The following TTC28 variants were observed in gnomAD, a reference collection of about 807,000 sequenced individuals.
TTC28 encodes the protein tetratricopeptide repeat domain 28, also known as tetratricopeptide repeat protein 28.
A neutral mutation model predicts 198.0 loss-of-function variants in TTC28; 61 were observed. That is an observed-to-expected ratio of 0.31 (90% CI 0.25 to 0.38). The LOEUF is 0.38. Among genes scored for constraint, TTC28 ranks in the 10% least tolerant of loss-of-function variants. The probability of loss-of-function intolerance (pLI) is 1.00; values close to 1 mark genes in which losing one functional copy is unlikely to be tolerated. For synonymous variants in TTC28, 1,171 were observed against 1,297.8 expected, an observed-to-expected ratio of 0.90 and a Z score of 2.10; for missense variants, 2,678 against 3,164.0, an observed-to-expected ratio of 0.85 and a Z score of 3.69.
chr22:28,336,777 T>C (rs2045728431), intron 2 of TTC28, among the ~76,000 whole-genome samples: 2 of 152,206 alleles, frequency 1.3e-5, no homozygotes, highest in African/African-American at 4.8e-5. Context: ...TTGTTGATCT[T>C]TTCAAAAAAC....
chr22:28,476,116 T>C (rs146231268), intron 2 of TTC28, among the ~76,000 whole-genome samples: 1 of 152,310 alleles, frequency 6.6e-6, no homozygotes, highest in African/African-American at 2.4e-5. Flanking sequence ...ACATTACCAA[T>C]AACTTGTTTC....
rs555898852 is a variant in TTC28, at chr22:28,066,327, G to A, written c.3932+27753C>T. On this transcript the variant is annotated intron_variant, in intron 12 of 22. Coordinates refer to ENST00000397906, the MANE Select transcript of TTC28 (RefSeq NM_001145418.2). Reference sequence around the variant, plus strand: ...GTGGTGTGTGTGTGTGTGTGTGCGCGCGCGCATGCATGTGTAGGACACTTA... The same window carrying A: ...GTGGTGTGTGTGTGTGTGTGTGCGCACGCGCATGCATGTGTAGGACACTTA... Among the ~76,000 whole-genome samples, 84 of 151,814 alleles carry A rather than the reference G, an allele frequency of 5.5e-4. 1 individual carries two copies. Among genetic ancestry groups the A allele is most frequent in the South Asian group, 1.7e-3 (8 of 4,796 alleles).
intron 5 of TTC28, among the ~76,000 whole-genome samples, chr22:28,251,098 T>C (rs1466460226): frequency 6.6e-6 from 1 of 152,244 alleles, no homozygotes; most frequent in Admixed American, 6.5e-5. Flanking sequence ...AAGATGGCTA[T>C]GACTGGTTTT....
intron 2 of TTC28, among the ~76,000 whole-genome samples, chr22:28,364,742 G>C (rs1012744580): frequency 6.6e-6 from 1 of 152,178 alleles, no homozygotes; most frequent in Non-Finnish European, 1.5e-5. Flanking sequence ...AATTAGAAGT[G>C]GAACACAGTG....
At chr22:28,379,314 T>G (rs2046460975) in intron 2 of TTC28, among the ~76,000 whole-genome samples, 2 of 152,190 alleles carry the variant, frequency 1.3e-5, no homozygotes, top group South Asian at 2.1e-4. Context: ...GACTCAGACA[T>G]ATATTTGAAT....
chr22:28,347,814 A>G (rs1242581327), intron 2 of TTC28, among the ~76,000 whole-genome samples: 2 of 152,244 alleles, frequency 1.3e-5, no homozygotes, highest in Non-Finnish European at 2.9e-5. Context: ...CGGAGGCTGC[A>G]GTGACAGTGA....
At chr22:28,099,471 GTC>G (rs1294190163) in intron 9 of TTC28, among the ~76,000 whole-genome samples, 1 of 152,216 alleles carries the variant, frequency 6.6e-6, no homozygotes, top group Non-Finnish European at 1.5e-5. Context: ...TGGTGAAACT[GTC>G]TACGCTTCCT....
chr22:28,367,255 A>G (rs1471674082), intron 2 of TTC28, among the ~76,000 whole-genome samples: 1 of 152,130 alleles, frequency 6.6e-6, no homozygotes, highest in Non-Finnish European at 1.5e-5. Flanking sequence ...CCTGACCACA[A>G]TGGAATAAAA....
intron 2 of TTC28, among the ~76,000 whole-genome samples, chr22:28,521,734 A>T (rs1326045139): frequency 6.6e-6 from 1 of 152,230 alleles, no homozygotes; most frequent in Non-Finnish European, 1.5e-5. Flanking sequence ...ACAAAGCCTG[A>T]CATACAGCCA....
chr22:28,242,473 G>A (rs1417210862), intron 5 of TTC28, among the ~76,000 whole-genome samples: 2 of 152,134 alleles, frequency 1.3e-5, no homozygotes, highest in East Asian at 3.8e-4. Flanking sequence ...AAAATCTAGA[G>A]AGGTTGTACA....
intron 13 of TTC28, among the ~76,000 whole-genome samples, chr22:28,016,215 G>A (rs1938369681): frequency 6.6e-6 from 1 of 152,154 alleles, no homozygotes; most frequent in Non-Finnish European, 1.5e-5. Context: ...CAAGTGACGA[G>A]GGCTGCAGCA....
chr22:27,981,229 A>ATTTTTTTTTTTTTTTTTTTTTTTTTT lies in TTC28; in HGVS notation c.*991_*992insAAAAAAAAAAAAAAAAAAAAAAAAAA, dbSNP rs1937001603. ...CTGGTTAAATCTAGTTAGCCATGGA[A>ATTTTTTTTTTTTTTTTTTTTTTTTTT]ATTTTTTTTTTTTTTTTTTTTTTTT... is the stretch of plus-strand genomic sequence containing the variant. On this transcript the variant is annotated 3_prime_UTR_variant, in exon 23 of 23. Coordinates refer to ENST00000397906, the MANE Select transcript of TTC28 (RefSeq NM_001145418.2). 2.8e-5 allele frequency: 2 copies of ATTTTTTTTTTTTTTTTTTTTTTTTTT among 72,686 alleles called. 1 individual carries two copies. The highest frequency in any genetic ancestry group is 9.8e-5 in the African/African-American group (2 of 20,420). 4.5% of individuals were successfully genotyped at this position (72,686 alleles called of 1,614,324 possible).
At chr22:28,194,462 A>G (rs1200520161) in intron 5 of TTC28, among the ~76,000 whole-genome samples, 2 of 152,164 alleles carry the variant, frequency 1.3e-5, no homozygotes, top group Non-Finnish European at 2.9e-5. Flanking sequence ...TAGAGACATA[A>G]AAAACCCTTC....
intron 2 of TTC28, among the ~76,000 whole-genome samples, chr22:28,488,002 C>G (rs1015506876): frequency 3.3e-5 from 5 of 152,136 alleles, no homozygotes. Flanking sequence ...CCTTTTCCAC[C>G]AGACGCTCCT....
chr22:28,582,471 G>A (rs1368388027), intron 2 of TTC28, among the ~76,000 whole-genome samples: 1 of 151,942 alleles, frequency 6.6e-6, no homozygotes, highest in African/African-American at 2.4e-5. Context: ...TACTTAAGGA[G>A]GACTAAAGAC....
At chr22:28,197,697 T>C (rs1427031069) in intron 5 of TTC28, among the ~76,000 whole-genome samples, 2 of 152,042 alleles carry the variant, frequency 1.3e-5, no homozygotes, top group African/African-American at 4.8e-5. Context: ...CTTCCATAAA[T>C]AAGGACTGGG....
intron 2 of TTC28, among the ~76,000 whole-genome samples, chr22:28,463,333 A>G (rs1006125898): frequency 1.3e-5 from 2 of 152,182 alleles, no homozygotes; most frequent in South Asian, 2.1e-4. Flanking sequence ...AACTAGTTCA[A>G]CCACTGTGGA....
intron 2 of TTC28, among the ~76,000 whole-genome samples, chr22:28,574,878 AT>A: frequency 6.6e-6 from 1 of 152,032 alleles, no homozygotes; most frequent in East Asian, 1.9e-4. Flanking sequence ...AGATTACTAG[AT>A]TTTTTTCCCA....
intron 12 of TTC28, among the ~76,000 whole-genome samples, chr22:28,066,286 G>A (rs868674566): frequency 1.0e-4 from 15 of 148,088 alleles, no homozygotes; most frequent in African/African-American, 3.7e-4. Flanking sequence ...GTGTGTGTGT[G>A]TGTGTGTGTG....
Sources: allele counts gnomAD v4.1 joint callset (sites outside exome capture counted in the v4.1 genomes callset), GRCh38; gene constraint gnomAD v4.1.1; transcripts MANE v1.5; gene names NCBI Gene and HGNC (gene_info 2026-07-23, HGNC 2026-07-21).